The following IFT122 variants were observed in gnomAD, a reference collection of about 807,000 sequenced individuals.
The protein encoded by IFT122 is intraflagellar transport protein 122 homolog.
A neutral mutation model predicts 161.6 loss-of-function variants in IFT122; 118 were observed. The observed-to-expected ratio is 0.73, with a 90% confidence interval of 0.63 to 0.85. IFT122 has a LOEUF of 0.85. IFT122 is among the 40% of genes least tolerant of loss of function. IFT122 has a pLI of 0.00. For synonymous variants in IFT122, 550 were observed against 602.4 expected, an observed-to-expected ratio of 0.91 and a Z score of 1.27; for missense variants, 1,381 against 1,579.6, an observed-to-expected ratio of 0.87 and a Z score of 2.13.
intron 3 of IFT122, among the ~76,000 whole-genome samples, chr3:129,455,546 A>T (rs757012267): frequency 3.3e-5 from 5 of 152,200 alleles, no homozygotes; most frequent in African/African-American, 4.8e-5. Context: ...CAAGAAAAAC[A>T]ATATAATATG....
chr3:129,477,252 T>G (rs1015578626), intron 11 of IFT122, among the ~76,000 whole-genome samples: 2 of 152,186 alleles, frequency 1.3e-5, no homozygotes, highest in Non-Finnish European at 2.9e-5. Flanking sequence ...GGAATTGGAT[T>G]GGCACAGGCT....
At position 129,478,122 on chromosome 3, in the gene IFT122, C is replaced by T; in HGVS notation, c.1254C>T (p.Asp418=). ...TCATCTATGAGTTGTATTCAGAGGACTTATCAGACATGCATTACCGGGTAA... is the reference window on the plus strand; with the variant it reads ...TCATCTATGAGTTGTATTCAGAGGATTTATCAGACATGCATTACCGGGTAA... ...KILIYELYSE[D]LSDMHYRVKE... Residue 418 remains aspartate (D), a synonymous_variant, in exon 12 of 30, where the codon GAC becomes GAT. Coordinates refer to ENST00000348417, the MANE Select transcript of IFT122 (RefSeq NM_052989.3). The T allele has an allele frequency of 1.2e-6, 2 of 1,614,020 alleles. No homozygotes were observed. Among genetic ancestry groups the T allele is most frequent in the Middle Eastern group, 1.6e-4 (1 of 6,062 alleles).
At chr3:129,473,396 G>A (rs896012176) in intron 9 of IFT122, among the ~76,000 whole-genome samples, 3 of 152,134 alleles carry the variant, frequency 2.0e-5, no homozygotes, top group Non-Finnish European at 2.9e-5. Flanking sequence ...ACATTTTCCT[G>A]CTTTGGGGAA....
chr3:129,460,989 A>G lies in IFT122; in HGVS notation c.273-239A>G, dbSNP rs1362422868. The stretch of plus-strand genomic sequence containing the variant: ...TTGATTGCTTGAGGCCAAGCGTTCA[A>G]AACCAACCTGGCCAAAAGTGAGTCC... On this transcript the variant is annotated intron_variant, in intron 4 of 29. Transcript: ENST00000348417. The G allele has an allele frequency of 4.0e-6, 6 of 1,518,326 alleles. No individual in the cohort carries two copies. The highest frequency in any genetic ancestry group is 5.5e-6 in the Non-Finnish European group (6 of 1,093,126). The allele number at this position is 1,518,326 out of a possible 1,614,324, so 94.1% of individuals were successfully genotyped here. A position where few individuals can be genotyped will look rare whatever the true frequency, so the allele number is the denominator to read the frequency against.
intron 24 of IFT122, chr3:129,513,148 G>C (rs1310234223): frequency 7.8e-5 from 12 of 153,768 alleles, no homozygotes; most frequent in Admixed American, 7.8e-4. Flanking sequence ...CCTCTCTTCT[G>C]TAGCCATCGA....
In IFT122 at chr3:129,519,637, G is replaced by A; in HGVS notation, c.3541G>A (p.Val1181Ile). The change falls in exon 29 of 30, where the codon GTC (valine) becomes ATC (isoleucine). Residue 1181 changes from valine to isoleucine, a missense_variant. This residue lies in a region of IFT122 where 177 missense variants were observed against 199.2 expected (regional missense o/e 0.89). Coordinates refer to ENST00000348417, the MANE Select transcript of IFT122 (RefSeq NM_052989.3). ...GCTGCGCTCCATGAGCCGCCGGGATGTCCTCATCAAGCGATGGCCCCCACC... is the reference window on the plus strand; with the variant it reads ...GCTGCGCTCCATGAGCCGCCGGGATATCCTCATCAAGCGATGGCCCCCACC... The part of the protein sequence containing the change: ...LVLRSMSRRD[V>I]LIKRWPPPLR... 1 of 1,613,682 alleles carries A rather than the reference G, an allele frequency of 6.2e-7. No homozygotes were observed. Among genetic ancestry groups the A allele is most frequent in the Non-Finnish European group, 8.5e-7 (1 of 1,180,018 alleles).
At chr3:129,512,232 T>A in intron 23 of IFT122, 80 bp from the exon 24 acceptor site, 2 of 944,778 alleles carry the variant, frequency 2.1e-6, no homozygotes, top group Non-Finnish European at 3.5e-6. Flanking sequence ...TCACTCAGAA[T>A]TATTGGTGTC....
chr3:129,494,606 A>C (rs2080602394), intron 17 of IFT122, among the ~76,000 whole-genome samples: 1 of 152,126 alleles, frequency 6.6e-6, no homozygotes, highest in African/African-American at 2.4e-5. Context: ...GGTGCTACTG[A>C]GTGTTTACAA....
At position 129,481,420 on chromosome 3, in the gene IFT122, A is replaced by T. The variant is rs931852080; in HGVS notation, c.1489-110A>T. On this transcript the variant is annotated intron_variant, in intron 13 of 29. Transcript: ENST00000348417. ...TTTTCCCTGCACAGAGCTTCTGGTG[A>T]AGGTGGTGGGAGTTGTTCTTGCAGA... 7 of 918,122 alleles carry T rather than the reference A, an allele frequency of 7.6e-6. No individual in the cohort carries two copies. In the African/African-American group the frequency reaches 9.9e-5, roughly 13 times the overall value. 56.9% of individuals were successfully genotyped at this position (918,122 alleles called of 1,614,324 possible). A position where few individuals can be genotyped will look rare whatever the true frequency, so the allele number is the denominator to read the frequency against.
chr3:129,451,849 C>T (rs1230256381), intron 2 of IFT122, 65 bp from the exon 3 acceptor site: 1 of 1,345,540 alleles, frequency 7.4e-7, no homozygotes, highest in African/African-American at 1.4e-5. Flanking sequence ...ATAGCAGTAG[C>T]AACCCTGCAG....
At chr3:129,444,109 C>T (rs577218215) in intron 1 of IFT122, among the ~76,000 whole-genome samples, 11 of 152,328 alleles carry the variant, frequency 7.2e-5, no homozygotes, top group Admixed American at 4.6e-4. Context: ...TTGTGCACCC[C>T]GTGAGTAGGA....
chr3:129,484,188 G>C (rs1326292137), intron 15 of IFT122, among the ~76,000 whole-genome samples: 2 of 152,030 alleles, frequency 1.3e-5, no homozygotes, highest in African/African-American at 4.8e-5. Flanking sequence ...AACAGAAATG[G>C]GGCACTGAAG....
chr3:129,519,030 TCA>T, intron 27 of IFT122, 75 bp from the exon 28 acceptor site: 1 of 1,270,352 alleles, frequency 7.9e-7, no homozygotes, highest in Non-Finnish European at 1.2e-6. Flanking sequence ...TTGAGTCTTC[TCA>T]CAGGGGTGTA....
Position 129,478,038 on chromosome 3 carries a change from T to C in IFT122, c.1170T>C (p.Leu390=). Reference sequence around the variant, plus strand: ...CAGTTCGGATTAAATGCAAAGAGCTTGTCAAGAAGATTGCCATCTACAGAA... The same window carrying C: ...CAGTTCGGATTAAATGCAAAGAGCTCGTCAAGAAGATTGCCATCTACAGAA... ...EQKVRIKCKE[L]VKKIAIYRNR... The change falls in exon 12 of 30, where the codon CTT becomes CTC. Residue 390 remains leucine, a synonymous_variant. Transcript: ENST00000348417. The C allele has an allele frequency of 6.2e-7, 1 of 1,614,206 alleles. No individual in the cohort carries two copies. The highest frequency in any genetic ancestry group is 8.5e-7 in the Non-Finnish European group (1 of 1,180,008).
chr3:129,442,344 T>C (rs959661044), intron 1 of IFT122, among the ~76,000 whole-genome samples: 1 of 152,186 alleles, frequency 6.6e-6, no homozygotes, highest in Admixed American at 6.6e-5. Flanking sequence ...CAGTGGTTGT[T>C]GTTACTATGG....
intron 17 of IFT122, 104 bp downstream of exon 17, chr3:129,492,298 G>A: frequency 1.1e-6 from 1 of 932,178 alleles, no homozygotes; most frequent in Non-Finnish European, 1.8e-6. Flanking sequence ...TGGGAACAGA[G>A]CTCACTGGCG....
chr3:129,492,444 T>C (rs944471617), intron 17 of IFT122, among the ~76,000 whole-genome samples: 3 of 152,206 alleles, frequency 2.0e-5, no homozygotes, highest in Admixed American at 6.5e-5. Context: ...GTTGGGTTTC[T>C]AGTCTGTGAA....
At chr3:129,519,947 TGG>T (rs566340770) in intron 29 of IFT122, among the ~76,000 whole-genome samples, 4 of 152,226 alleles carry the variant, frequency 2.6e-5, no homozygotes, top group African/African-American at 9.6e-5. Flanking sequence ...CCCCAAATCC[TGG>T]GGGCCCAGCA....
Position 129,520,387 on chromosome 3 carries a change from G to A in IFT122, c.*122G>A, listed in dbSNP as rs1159944721. On this transcript the variant is annotated 3_prime_UTR_variant, in exon 30 of 30. Coordinates refer to ENST00000348417, the MANE Select transcript of IFT122 (RefSeq NM_052989.3). ...GCCCAGATGAAGTTTGTGTTTTGTG[G>A]GGGGGGCCTTGTGTAACCACGGAAT... is the stretch of plus-strand genomic sequence containing the variant. 2 of 817,970 alleles carry A rather than the reference G, an allele frequency of 2.4e-6. No homozygotes were observed. The highest frequency in any genetic ancestry group is 4.1e-6 in the Non-Finnish European group (2 of 491,092). 50.7% of individuals were successfully genotyped at this position (817,970 alleles called of 1,614,324 possible).
Sources: allele counts gnomAD v4.1 joint callset (sites outside exome capture counted in the v4.1 genomes callset), GRCh38; gene constraint gnomAD v4.1.1; regional missense constraint gnomAD v4.1.1; transcripts MANE v1.5; gene names NCBI Gene and HGNC (gene_info 2026-07-23, HGNC 2026-07-21).